TMEM117: variants seen among roughly 807,000 people sequenced by gnomAD.
TMEM117 encodes transmembrane protein 117.
TMEM117 carries 27 observed loss-of-function variants against 52.4 expected under a neutral mutation model. The ratio of observed to expected loss-of-function variants is 0.51; its 90% CI spans 0.38 to 0.71. TMEM117 has a LOEUF of 0.71. TMEM117 is among the 30% of genes least tolerant of loss of function. The pLI, the probability that TMEM117 is intolerant of heterozygous loss-of-function variation, is 0.00. For missense variants in TMEM117, 556 were observed against 630.5 expected, an observed-to-expected ratio of 0.88 and a Z score of 1.26; for synonymous variants, 215 against 206.3, an observed-to-expected ratio of 1.04 and a Z score of -0.36.
intron 3 of TMEM117, among the ~76,000 whole-genome samples, chr12:43,983,628 T>C (rs1945798172): frequency 6.7e-6 from 1 of 149,660 alleles, no homozygotes; most frequent in Admixed American, 6.7e-5. Flanking sequence ...TTGATCAACA[T>C]AGTATGAGGA....
At chr12:43,900,546 T>C (rs1306085322) in intron 2 of TMEM117, among the ~76,000 whole-genome samples, 1 of 151,898 alleles carries the variant, frequency 6.6e-6, no homozygotes, top group African/African-American at 2.4e-5. Flanking sequence ...GGTGAAACTC[T>C]GTCTCTACTA....
chr12:44,200,658 G>A (rs1335750810), intron 4 of TMEM117, among the ~76,000 whole-genome samples: 5 of 152,160 alleles, frequency 3.3e-5, no homozygotes, highest in African/African-American at 1.2e-4. Context: ...TTAAGACTAA[G>A]TGACATATCT....
chr12:43,906,867 T>C (rs1401143226), intron 2 of TMEM117, among the ~76,000 whole-genome samples: 2 of 152,350 alleles, frequency 1.3e-5, no homozygotes, highest in Non-Finnish European at 2.9e-5. Flanking sequence ...TCTCGCTGAT[T>C]GCTAGCACAG....
chr12:44,085,632 A>G (rs1156922335), intron 3 of TMEM117, among the ~76,000 whole-genome samples: 1 of 152,214 alleles, frequency 6.6e-6, no homozygotes, highest in East Asian at 1.9e-4. Context: ...GGAAAGCAAA[A>G]TGGTGTTTTC....
intron 3 of TMEM117, among the ~76,000 whole-genome samples, chr12:44,081,615 T>A (rs1187858817): frequency 6.6e-6 from 1 of 152,158 alleles, no homozygotes; most frequent in African/African-American, 2.4e-5. Context: ...GTGATTTCCT[T>A]CTGGTAGAGT....
chr12:44,011,095 C>A (rs1946283009), intron 3 of TMEM117, among the ~76,000 whole-genome samples: 1 of 151,974 alleles, frequency 6.6e-6, no homozygotes, highest in African/African-American at 2.4e-5. Context: ...TCATTTTTTT[C>A]TTGCTTAAGA....
chr12:44,106,518 T>C (rs1436751277), intron 3 of TMEM117, among the ~76,000 whole-genome samples: 1 of 152,040 alleles, frequency 6.6e-6, no homozygotes, highest in Non-Finnish European at 1.5e-5. Flanking sequence ...GTACAAAGAG[T>C]ATTAAGTTTC....
chr12:44,098,005 A>G (rs1947800573), intron 3 of TMEM117, among the ~76,000 whole-genome samples: 2 of 152,084 alleles, frequency 1.3e-5, no homozygotes, highest in African/African-American at 4.8e-5. Context: ...GTCCAATTTA[A>G]TAAGTTAGAG....
At chr12:43,817,000 G>A in the TMEM117 span, among the ~76,000 whole-genome samples, 3 of 152,194 alleles carry the variant, frequency 2.0e-5, no homozygotes, top group Non-Finnish European at 4.4e-5. Flanking sequence ...AGCTCTTTGA[G>A]CCATCAAAGA....
the TMEM117 span, among the ~76,000 whole-genome samples, chr12:43,821,638 TA>T: frequency 6.6e-6 from 1 of 152,174 alleles, no homozygotes; most frequent in Non-Finnish European, 1.5e-5. Context: ...CTGAATCTAC[TA>T]AAGTTTATGA....
At chr12:44,031,459 T>G (rs1219571882) in intron 3 of TMEM117, among the ~76,000 whole-genome samples, 1 of 152,210 alleles carries the variant, frequency 6.6e-6, no homozygotes, top group Non-Finnish European at 1.5e-5. Flanking sequence ...AGGTTTCTGA[T>G]AACTTTGGAA....
chr12:44,263,303 T>TA (rs1950341488), intron 5 of TMEM117, among the ~76,000 whole-genome samples: 1 of 152,172 alleles, frequency 6.6e-6, no homozygotes, highest in Non-Finnish European at 1.5e-5. Context: ...CACAATGAGA[T>TA]ACCATCTCAC....
intron 6 of TMEM117, among the ~76,000 whole-genome samples, chr12:44,361,611 G>A (rs563500973): frequency 3.3e-5 from 5 of 152,138 alleles, no homozygotes; most frequent in Admixed American, 6.6e-5. Context: ...ACTTCCCACC[G>A]CGCATCTACT....
chr12:43,968,537 T>G (rs1272414370), intron 3 of TMEM117, among the ~76,000 whole-genome samples: 1 of 152,194 alleles, frequency 6.6e-6, no homozygotes, highest in Non-Finnish European at 1.5e-5. Context: ...GTAACACCAT[T>G]TTTCCGGCTA....
intron 5 of TMEM117, among the ~76,000 whole-genome samples, chr12:44,255,603 C>A (rs917770359): frequency 8.6e-5 from 13 of 152,044 alleles, no homozygotes; most frequent in Non-Finnish European, 1.6e-4. Flanking sequence ...TTAAAAATAT[C>A]CACAATGTAA....
chr12:43,834,046 T>C (rs757225179), upstream of TMEM117, among the ~76,000 whole-genome samples: 6 of 152,200 alleles, frequency 3.9e-5, no homozygotes, highest in Non-Finnish European at 7.3e-5. Context: ...TAGGCTATAA[T>C]TGTGCCACTG....
At chr12:44,267,937 TGTGAAC>T (rs1284882166) in intron 5 of TMEM117, among the ~76,000 whole-genome samples, 14 of 152,354 alleles carry the variant, frequency 9.2e-5, no homozygotes, top group Admixed American at 9.1e-4. Flanking sequence ...TCTCAGCTAC[TGTGAAC>T]AATGCTGCAT....
At chr12:43,896,030 G>T (rs1944195149) in intron 2 of TMEM117, among the ~76,000 whole-genome samples, 1 of 152,134 alleles carries the variant, frequency 6.6e-6, no homozygotes, top group Middle Eastern at 3.2e-3. Flanking sequence ...GGGTGGGTCT[G>T]CCTTTCCCAG....
chr12:44,284,606 C>T (rs918810512), intron 5 of TMEM117, among the ~76,000 whole-genome samples: 8 of 152,156 alleles, frequency 5.3e-5, no homozygotes, highest in African/African-American at 1.7e-4. Context: ...GCACAGGCCT[C>T]TTTGCTTTGT....
Sources: allele counts gnomAD v4.1 joint callset (sites outside exome capture counted in the v4.1 genomes callset), GRCh38; gene constraint gnomAD v4.1.1; transcripts MANE v1.5; gene names NCBI Gene and HGNC (gene_info 2026-07-23, HGNC 2026-07-21).